Variants in CYB5R2 observed in about 807,000 individuals in gnomAD.
CYB5R2 encodes the protein cytochrome b5 reductase 2.
In CYB5R2, 35 loss-of-function variants were observed where a neutral mutation model predicts 29.8. The ratio of observed to expected loss-of-function variants is 1.17; its 90% CI spans 0.90 to 1.56. CYB5R2 has a LOEUF of 1.56. Among genes scored for constraint, CYB5R2 ranks in the 40% most tolerant of loss-of-function variants. The probability of loss-of-function intolerance (pLI) is 0.00; values close to 1 mark genes in which losing one functional copy is unlikely to be tolerated. For missense variants in CYB5R2, 419 were observed against 346.7 expected (o/e 1.21, Z -1.66); for synonymous variants, 169 against 130.6 (o/e 1.29, Z -2.01).
At chr11:7,668,917 C>G (rs1451541835) in intron 5 of CYB5R2, 3 of 595,404 alleles carry the variant, frequency 5.0e-6, no homozygotes, top group Non-Finnish European at 9.1e-6. Flanking sequence ...CTCCCTCCAT[C>G]CATTTTTCAG....
chr11:7,670,082 C>G (rs1855633075), intron 3 of CYB5R2: 1 of 245,752 alleles, frequency 4.1e-6, no homozygotes, highest in Non-Finnish European at 7.9e-6. Flanking sequence ...AGAAAGGGGT[C>G]AGACATGGTA....
chr11:7,672,703 C>G (rs768875775), intron 2 of CYB5R2, 45 bp downstream of exon 2: 2 of 1,611,452 alleles, frequency 1.2e-6, no homozygotes, highest in Admixed American at 1.7e-5. Context: ...GCCATCCCAG[C>G]CATCATCCAC....
upstream of CYB5R2, chr11:7,674,111 C>T: frequency 8.3e-6 from 10 of 1,208,014 alleles, no homozygotes; most frequent in Non-Finnish European, 1.1e-5. Flanking sequence ...CCTCAGCTTA[C>T]TTAAGCTCGG....
Position 7,665,358 on chromosome 11 carries a change from T to C in CYB5R2, c.*16A>G. On this transcript the variant is annotated 3_prime_UTR_variant, in exon 9 of 9. Transcript: ENST00000299498. ...GATGAAAAGGGACATGCAAAATTGC[T>C]GAGCACGTGGAGGTGTTAGTAGGTG... 6.8e-7 allele frequency: 1 copy of C among 1,479,426 alleles called. No individual in the cohort carries two copies. The highest frequency in any genetic ancestry group is 2.4e-5 in the East Asian group (1 of 41,064). The allele number at this position is 1,479,426 out of a possible 1,614,324, so 91.6% of individuals were successfully genotyped here. A position where few individuals can be genotyped will look rare whatever the true frequency, so the allele number is the denominator to read the frequency against.
intron 1 of CYB5R2, 84 bp downstream of exon 1, chr11:7,673,334 TC>T: frequency 9.8e-7 from 1 of 1,022,236 alleles, no homozygotes. Flanking sequence ...GCCTGGGGAC[TC>T]CCCAACAGTC....
chr11:7,666,189 G>T, intron 8 of CYB5R2: 1 of 595,462 alleles, frequency 1.7e-6, no homozygotes, highest in African/African-American at 1.9e-5. Flanking sequence ...GTGGACAGGG[G>T]CAGTGTCCCT....
chr11:7,674,150 C>T (rs1012581209), upstream of CYB5R2: 10 of 1,222,768 alleles, frequency 8.2e-6, no homozygotes, highest in South Asian at 5.8e-5. Flanking sequence ...TCTGGGTGAC[C>T]GGGCGGAGGG....
chr11:7,673,750 GGGGTTGGCCGGGGGCCGC>G (rs1855908744), upstream of CYB5R2: 1 of 982,702 alleles, frequency 1.0e-6, no homozygotes, highest in Non-Finnish European at 1.2e-6. Context: ...TCGTCGAACT[GGGGTTGGCCGGGGGCCGC>G]TCCCCGCCGC....
chr11:7,672,691 C>G, intron 2 of CYB5R2, 57 bp downstream of exon 2: 19 of 1,602,464 alleles, frequency 1.2e-5, no homozygotes, highest in Non-Finnish European at 1.5e-5. Context: ...TCTGGATGCC[C>G]TGCCATCCCA....
chr11:7,666,831 G>A (rs756954973), intron 7 of CYB5R2: 11 of 291,840 alleles, frequency 3.8e-5, no homozygotes, highest in Non-Finnish European at 7.2e-5. Context: ...TTAGCCAAGC[G>A]CTGGCCAGGA....
chr11:7,669,558 C>G (rs1415270549), intron 4 of CYB5R2, 67 bp downstream of exon 4: 1 of 1,353,704 alleles, frequency 7.4e-7, no homozygotes, highest in Non-Finnish European at 1.0e-6. Context: ...AAGCACTGCC[C>G]CTCCACCCCA....
upstream of CYB5R2, chr11:7,673,900 G>A (rs1302783631): frequency 4.6e-5 from 46 of 997,562 alleles, no homozygotes; most frequent in Non-Finnish European, 5.1e-5. Context: ...CTGGGACCCC[G>A]GCGGCTGGCC....
rs762315705 is a variant in CYB5R2, at chr11:7,672,443, C to T, written c.151+8G>A. On this transcript the variant is annotated splice_region_variant and intron_variant, in intron 3 of 8. Coordinates refer to ENST00000299498, the MANE Select transcript of CYB5R2 (RefSeq NM_016229.5). Reference sequence around the variant, plus strand: ...CCCAGTCCTGGTGATGACCCAAGCCCGGCTCACCTACAGGAAGCCCTAAGA... The same window carrying T: ...CCCAGTCCTGGTGATGACCCAAGCCTGGCTCACCTACAGGAAGCCCTAAGA... The T allele has an allele frequency of 8.1e-5, 131 of 1,613,614 alleles. No homozygotes were observed. The Admixed American group carries it at 2.0e-3, about 24-fold the overall frequency.
chr11:7,666,161 A>T, intron 8 of CYB5R2: 1 of 600,274 alleles, frequency 1.7e-6, no homozygotes. Flanking sequence ...GGCTGTGTGG[A>T]ATGGGTGGGT....
chr11:7,669,715 G>A lies in CYB5R2; in HGVS notation c.168C>T (p.Leu56=). ...CCAATTCATTATCGATTTTTGCCAA[G>A]AGCTGGACATAGTTACCTATAGAAA... ...LGLPVGNYVQ[L]LAKIDNELVV... is the part of the protein sequence containing the mutation. The change falls in exon 4 of 9, where the codon CTC becomes CTT. Residue 56 remains leucine, a synonymous_variant. Coordinates refer to ENST00000299498, the MANE Select transcript of CYB5R2 (RefSeq NM_016229.5). 6.8e-6 allele frequency: 11 copies of A among 1,613,908 alleles called. No homozygotes were observed. Among genetic ancestry groups the A allele is most frequent in the Middle Eastern group, 3.3e-4 (2 of 6,058 alleles).
At chr11:7,673,825 G>C, upstream of CYB5R2, 3 of 987,502 alleles carry the variant, frequency 3.0e-6, no homozygotes, top group Non-Finnish European at 3.6e-6. Context: ...CCTGGCCGAC[G>C]GGGAACCGGC....
At chr11:7,666,655 A>T in intron 7 of CYB5R2, 105 bp from the exon 8 acceptor site, 1 of 703,976 alleles carries the variant, frequency 1.4e-6, no homozygotes, top group South Asian at 1.9e-5. Context: ...CCACCACTCC[A>T]GCTGGAGTGC....
intron 5 of CYB5R2, 21 bp downstream of exon 5, chr11:7,669,184 A>G: frequency 6.2e-7 from 1 of 1,614,122 alleles, no homozygotes; most frequent in Non-Finnish European, 8.5e-7. Flanking sequence ...CTGGGAGCCC[A>G]AGTATTAACC....
rs1318606746 is a variant in CYB5R2, at chr11:7,667,736, C to G, written c.550G>C (p.Ala184Pro). 2.5e-6 allele frequency: 4 copies of G among 1,613,900 alleles called. No homozygotes were observed. In the Admixed American group the frequency reaches 6.7e-5, roughly 27 times the overall value. ...GCTCAGCAGGAACTGACCTGGTTGG[C>G]AAAGATGAGGGACATCCTGGTCCTG... ...SDRTRMSLIFANQTEEDILVR... is the reference protein window; with the variant it reads ...SDRTRMSLIFPNQTEEDILVR... Residue 184 changes from alanine (A) to proline (P), a missense_variant, in exon 7 of 9, where the codon GCC becomes CCC. By Grantham distance (27) the Ala-to-Pro change is conservative (BLOSUM62 -1). Coordinates refer to ENST00000299498, the MANE Select transcript of CYB5R2 (RefSeq NM_016229.5).
Sources: allele counts gnomAD v4.1 joint callset, GRCh38; gene constraint gnomAD v4.1.1; transcripts MANE v1.5; gene names NCBI Gene and HGNC (gene_info 2026-07-23, HGNC 2026-07-21).